The following KCNB2 variants were observed in gnomAD, a reference collection of about 807,000 sequenced individuals.
KCNB2 encodes potassium voltage-gated channel subfamily B member 2, also known as delayed rectifier potassium channel protein.
A neutral mutation model predicts 61.5 loss-of-function variants in KCNB2; 15 were observed. That is an observed-to-expected ratio of 0.24 (90% CI 0.16 to 0.38). The LOEUF is 0.38. Among genes scored for constraint, KCNB2 ranks in the 10% least tolerant of loss-of-function variants. KCNB2 has a pLI of 1.00. For missense variants in KCNB2, 828 were observed against 1,125.2 expected, an observed-to-expected ratio of 0.74 and a Z score of 3.78; for synonymous variants, 457 against 446.0, an observed-to-expected ratio of 1.02 and a Z score of -0.31.
intron 2 of KCNB2, among the ~76,000 whole-genome samples, chr8:72,633,552 G>A (rs562059721): frequency 2.6e-5 from 4 of 152,252 alleles, no homozygotes; most frequent in African/African-American, 9.6e-5. Flanking sequence ...TGGGTTCTGT[G>A]TTCCTAACCT....
chr8:72,691,020 G>C (rs935778261), intron 2 of KCNB2, among the ~76,000 whole-genome samples: 1 of 152,200 alleles, frequency 6.6e-6, no homozygotes, highest in Admixed American at 6.5e-5. Flanking sequence ...ATGGAGCCAA[G>C]TGTCAAGTCG....
rs571450526 is a variant in KCNB2, at chr8:72,801,025, G to A, written c.580-134910G>A. ...TTCCTGTATGAGATGGTTCACTAGC[G>A]GCTCAAAATGTGAGCAAGAAAAATT... On this transcript the variant is annotated intron_variant, in intron 2 of 2. Transcript: ENST00000523207. Among the ~76,000 whole-genome samples the A allele has an allele frequency of 8.5e-5, 13 of 152,214 alleles. No homozygotes were observed. The East Asian group carries it at 1.4e-3, about 16-fold the overall frequency.
chr8:72,689,991 A>G (rs1315974652), intron 2 of KCNB2, among the ~76,000 whole-genome samples: 1 of 151,940 alleles, frequency 6.6e-6, no homozygotes, highest in Admixed American at 6.6e-5. Flanking sequence ...TTTTCCTGAA[A>G]TTACTCATTC....
intron 2 of KCNB2, among the ~76,000 whole-genome samples, chr8:72,601,089 A>G (rs1203349421): frequency 6.6e-6 from 1 of 152,126 alleles, no homozygotes; most frequent in Non-Finnish European, 1.5e-5. Context: ...TGTAAAAAAA[A>G]GGGTATCAGC....
intron 2 of KCNB2, among the ~76,000 whole-genome samples, chr8:72,763,608 T>C (rs1299807440): frequency 6.6e-6 from 1 of 152,160 alleles, no homozygotes; most frequent in African/African-American, 2.4e-5. Flanking sequence ...CTTCAATGTC[T>C]CAAAAATAAT....
intron 2 of KCNB2, among the ~76,000 whole-genome samples, chr8:72,673,716 C>T (rs893480213): frequency 3.3e-5 from 5 of 152,096 alleles, no homozygotes; most frequent in Non-Finnish European, 7.3e-5. Flanking sequence ...TTGTCTTGTT[C>T]CACTTATATG....
At chr8:72,838,495 T>C (rs1055140872) in intron 2 of KCNB2, among the ~76,000 whole-genome samples, 5 of 152,260 alleles carry the variant, frequency 3.3e-5, no homozygotes, top group Admixed American at 2.6e-4. Flanking sequence ...CCACATTTTC[T>C]TTATCCAGTC....
chr8:72,787,123 T>C (rs1257565904), intron 2 of KCNB2, among the ~76,000 whole-genome samples: 2 of 152,246 alleles, frequency 1.3e-5, no homozygotes, highest in East Asian at 3.9e-4. Context: ...TGATAAGCAC[T>C]TTGCCTAAGA....
chr8:72,827,582 A>C (rs1294834134), intron 2 of KCNB2, among the ~76,000 whole-genome samples: 1 of 152,054 alleles, frequency 6.6e-6, no homozygotes, highest in Non-Finnish European at 1.5e-5. Context: ...ATGAATGTCC[A>C]CTCTCTAAAT....
At position 72,930,641 on chromosome 8, in the gene KCNB2, GTTGT is replaced by G. The variant is rs1323960126; in HGVS notation, c.580-5287_580-5284del. Among the ~76,000 whole-genome samples, 8 of 152,270 alleles carry G rather than the reference GTTGT, an allele frequency of 5.3e-5. No homozygotes were observed. In the South Asian group the frequency reaches 1.2e-3, roughly 24 times the overall value. ...TATCCTTCACCCATTTGTTGATGGG[GTTGT>G]TTGTTTTTTTCTTGTAAATTTGTTT... On this transcript the variant is annotated intron_variant, in intron 2 of 2. Coordinates refer to ENST00000523207, the MANE Select transcript of KCNB2 (RefSeq NM_004770.3).
In KCNB2 at chr8:72,811,123, A is replaced by G. The variant is rs535023499; in HGVS notation, c.580-124812A>G. Among the ~76,000 whole-genome samples, 6 of 151,582 alleles carry G rather than the reference A, an allele frequency of 4.0e-5. No homozygotes were observed. The South Asian group carries it at 1.3e-3, about 32-fold the overall frequency. ...GTTTCAGTTACCTGGAACAAGTCAC[A>G]CAATGCCAGATACCAGATATGGAAG... On this transcript the variant is annotated intron_variant, in intron 2 of 2. Transcript: ENST00000523207.
chr8:72,666,200 A>G (rs139708783), intron 2 of KCNB2, among the ~76,000 whole-genome samples: 8 of 152,318 alleles, frequency 5.3e-5, no homozygotes, highest in African/African-American at 1.9e-4. Context: ...CAATTAATAC[A>G]ATGAGATTCT....
chr8:72,769,973 T>G (rs1477027319), intron 2 of KCNB2, among the ~76,000 whole-genome samples: 7 of 152,200 alleles, frequency 4.6e-5, no homozygotes, highest in African/African-American at 1.7e-4. Context: ...TCCTTCATTA[T>G]ACAGAGCCCT....
intron 2 of KCNB2, among the ~76,000 whole-genome samples, chr8:72,694,691 C>G (rs1451667283): frequency 6.6e-6 from 1 of 151,784 alleles, no homozygotes; most frequent in Non-Finnish European, 1.5e-5. Context: ...ATTGTATTAC[C>G]TTTATTATCA....
intron 1 of KCNB2, among the ~76,000 whole-genome samples, chr8:72,565,649 CACACACACACACA>C (rs1395214085): frequency 2.4e-4 from 37 of 151,408 alleles, no homozygotes; most frequent in South Asian, 8.4e-4. Flanking sequence ...GCAGAATACA[CACACACACACACA>C]ACACACACAC....
chr8:72,872,081 T>C (rs1307777085), intron 2 of KCNB2, among the ~76,000 whole-genome samples: 1 of 152,204 alleles, frequency 6.6e-6, no homozygotes, highest in African/African-American at 2.4e-5. Flanking sequence ...AACAATGTGC[T>C]CAAATGTGAA....
At chr8:72,642,468 G>A (rs916095383) in intron 2 of KCNB2, among the ~76,000 whole-genome samples, 4 of 152,074 alleles carry the variant, frequency 2.6e-5, no homozygotes, top group African/African-American at 9.7e-5. Context: ...GGCACAGGCA[G>A]TGAGCACGGT....
chr8:72,888,255 C>CCACA (rs1805838487), intron 2 of KCNB2, among the ~76,000 whole-genome samples: 1 of 152,054 alleles, frequency 6.6e-6, no homozygotes, highest in African/African-American at 2.4e-5. Context: ...GCACACACCA[C>CCACA]CACACCCTGG....
At position 72,576,871 on chromosome 8, in the gene KCNB2, A is replaced by T. The variant is rs1471070168; in HGVS notation, c.579+8558A>T. 3.3e-5 allele frequency among the ~76,000 whole-genome samples: 5 copies of T among 152,356 alleles called. 1 individual carries two copies. The highest frequency in any genetic ancestry group is 3.3e-4 in the Admixed American group (5 of 15,302). ...TGAAGCTAGAATAAAACAGCTATTTATGGATGAATGAGGAACAGAGACATG... is the reference window on the plus strand; with the variant it reads ...TGAAGCTAGAATAAAACAGCTATTTTTGGATGAATGAGGAACAGAGACATG... On this transcript the variant is annotated intron_variant, in intron 2 of 2. Coordinates refer to ENST00000523207, the MANE Select transcript of KCNB2 (RefSeq NM_004770.3).
Sources: gnomAD v4.1 joint callset for allele counts (sites outside exome capture counted in the v4.1 genomes callset) on GRCh38, gnomAD v4.1.1 for gene constraint, MANE v1.5 for transcripts, NCBI Gene and HGNC (gene_info 2026-07-23, HGNC 2026-07-21) for gene names.